CLSTN2: variants seen among roughly 807,000 people sequenced by gnomAD.
CLSTN2 encodes the protein calsyntenin 2, also known as calsyntenin-2.
In CLSTN2, 48 loss-of-function variants were observed where a neutral mutation model predicts 101.2. That is an observed-to-expected ratio of 0.47 (90% CI 0.38 to 0.60). The LOEUF (loss-of-function observed/expected upper bound fraction) is 0.60. Ranked by LOEUF, CLSTN2 falls within the 20% of genes least tolerant of loss-of-function variation. The pLI is 0.00. For synonymous variants in CLSTN2, 481 were observed against 463.6 expected (o/e 1.04, Z -0.48); for missense variants, 1,160 against 1,238.2 (o/e 0.94, Z 0.95).
At chr3:140,236,243 T>C (rs978139499) in intron 2 of CLSTN2, among the ~76,000 whole-genome samples, 1 of 152,212 alleles carries the variant, frequency 6.6e-6, no homozygotes, top group Non-Finnish European at 1.5e-5. Flanking sequence ...TTTTAAACCT[T>C]AACATAGCCC....
chr3:140,213,321 T>C (rs184943936), intron 2 of CLSTN2, among the ~76,000 whole-genome samples: 3 of 152,320 alleles, frequency 2.0e-5, no homozygotes, highest in East Asian at 3.9e-4. Context: ...AAATATGTGA[T>C]ATGATATGGA....
chr3:140,512,860 A>T (rs1299813843), intron 8 of CLSTN2, among the ~76,000 whole-genome samples: 1 of 151,974 alleles, frequency 6.6e-6, no homozygotes, highest in Non-Finnish European at 1.5e-5. Context: ...CAGGTATTTT[A>T]TTCTTATTGT....
At chr3:140,518,810 G>T (rs944441364) in intron 8 of CLSTN2, among the ~76,000 whole-genome samples, 1 of 152,152 alleles carries the variant, frequency 6.6e-6, no homozygotes, top group Non-Finnish European at 1.5e-5. Flanking sequence ...AGTGGGAGCT[G>T]CAAGTTAGTC....
At chr3:140,450,898 C>G (rs999473732) in intron 6 of CLSTN2, among the ~76,000 whole-genome samples, 1 of 152,156 alleles carries the variant, frequency 6.6e-6, no homozygotes, top group African/African-American at 2.4e-5. Context: ...GGGCTGCACA[C>G]CTCTCCAGAA....
chr3:140,373,504 G>A (rs1295601551), intron 2 of CLSTN2, among the ~76,000 whole-genome samples: 2 of 152,144 alleles, frequency 1.3e-5, no homozygotes, highest in African/African-American at 4.8e-5. Flanking sequence ...CTATTATATT[G>A]AGCAGGAAAA....
chr3:139,978,099 CAA>C (rs1339495369), intron 1 of CLSTN2, among the ~76,000 whole-genome samples: 1 of 152,028 alleles, frequency 6.6e-6, no homozygotes, highest in Non-Finnish European at 1.5e-5. Context: ...GAGAGAGAAA[CAA>C]AAGAGACATT....
At chr3:140,147,597 G>T (rs2009799208) in intron 1 of CLSTN2, among the ~76,000 whole-genome samples, 1 of 152,146 alleles carries the variant, frequency 6.6e-6, no homozygotes, top group African/African-American at 2.4e-5. Flanking sequence ...GATTTTCATT[G>T]AACAATGAAT....
intron 1 of CLSTN2, among the ~76,000 whole-genome samples, chr3:139,966,289 T>A (rs1232997933): frequency 6.6e-6 from 1 of 152,220 alleles, no homozygotes; most frequent in Non-Finnish European, 1.5e-5. Flanking sequence ...GTCTCATTAT[T>A]TCCTGTCAGT....
chr3:139,957,589 A>G (rs1935430754), intron 1 of CLSTN2, among the ~76,000 whole-genome samples: 1 of 152,002 alleles, frequency 6.6e-6, no homozygotes, highest in African/African-American at 2.4e-5. Flanking sequence ...GCATCCCAGC[A>G]TCTGGTAACT....
chr3:140,385,096 G>A (rs1288419516), intron 2 of CLSTN2, among the ~76,000 whole-genome samples: 1 of 152,184 alleles, frequency 6.6e-6, no homozygotes, highest in East Asian at 1.9e-4. Flanking sequence ...AAAACCCTGA[G>A]CAGCAGGGTT....
chr3:140,069,092 A>G (rs2008349236), intron 1 of CLSTN2, among the ~76,000 whole-genome samples: 1 of 152,220 alleles, frequency 6.6e-6, no homozygotes, highest in African/African-American at 2.4e-5. Flanking sequence ...TGTCAGTGAG[A>G]GAGTCTTCCT....
chr3:140,544,649 T>G (rs929854478), intron 9 of CLSTN2, among the ~76,000 whole-genome samples: 3 of 152,056 alleles, frequency 2.0e-5, no homozygotes, highest in Non-Finnish European at 4.4e-5. Context: ...ATGCAAACCA[T>G]TAGCTAATAA....
intron 5 of CLSTN2, among the ~76,000 whole-genome samples, chr3:140,426,196 G>A (rs769929255): frequency 2.6e-5 from 4 of 152,114 alleles, no homozygotes; most frequent in Non-Finnish European, 4.4e-5. Flanking sequence ...AATGTGTGCC[G>A]TGGTGGTTTG....
rs900731205 is a variant in CLSTN2 at position 140,571,631 on chromosome 3, T to C, written c.*5378T>C. 3.3e-5 allele frequency: 5 copies of C among 152,248 alleles called. No homozygotes were observed. The highest frequency in any genetic ancestry group is 9.6e-5 in the African/African-American group (4 of 41,462). 9.4% of individuals were successfully genotyped at this position (152,248 alleles called of 1,614,324 possible). A position where few individuals can be genotyped will look rare whatever the true frequency, so the allele number is the denominator to read the frequency against. On this transcript the variant is annotated 3_prime_UTR_variant, in exon 17 of 17. Transcript: ENST00000458420. ...TTAATTTTCACATAACCACTTTCCATTGTCCAGCTGCAGGCAAAAGAAATG... is the reference window on the plus strand; with the variant it reads ...TTAATTTTCACATAACCACTTTCCACTGTCCAGCTGCAGGCAAAAGAAATG...
At position 140,570,204 on chromosome 3, in the gene CLSTN2, T is replaced by TC. The variant is rs1486342638; in HGVS notation, c.*3952dup. 2.0e-5 allele frequency: 3 copies of TC among 152,184 alleles called. No homozygotes were observed. Among genetic ancestry groups the TC allele is most frequent in the Non-Finnish European group, 4.4e-5 (3 of 68,032 alleles). The allele number at this position is 152,184 out of a possible 1,614,324, so 9.4% of individuals were successfully genotyped here. On this transcript the variant is annotated 3_prime_UTR_variant, in exon 17 of 17. Coordinates refer to ENST00000458420, the MANE Select transcript of CLSTN2 (RefSeq NM_022131.3). Reference sequence around the variant, plus strand: ...GGCTTTGTGAGCCATTTGGTACCTGTCACAGAATAGTCAGCCCTCCATATC... The same window carrying TC: ...GGCTTTGTGAGCCATTTGGTACCTGTCCACAGAATAGTCAGCCCTCCATATC...
chr3:140,315,836 C>T (rs112066180), intron 2 of CLSTN2, among the ~76,000 whole-genome samples: 36 of 152,144 alleles, frequency 2.4e-4, no homozygotes, highest in Non-Finnish European at 2.2e-4. Context: ...CAGGAGCTAT[C>T]GGCTTAGCAT....
intron 7 of CLSTN2, among the ~76,000 whole-genome samples, chr3:140,460,792 A>G (rs1211832485): frequency 6.6e-6 from 1 of 152,216 alleles, no homozygotes; most frequent in Non-Finnish European, 1.5e-5. Flanking sequence ...CATTTCAAAT[A>G]CAACTTTTGC....
intron 2 of CLSTN2, among the ~76,000 whole-genome samples, chr3:140,332,830 C>T (rs532755410): frequency 6.6e-6 from 1 of 152,206 alleles, no homozygotes; most frequent in Admixed American, 6.5e-5. Context: ...TGGAGGACCT[C>T]ATCCCCTGTT....
intron 1 of CLSTN2, among the ~76,000 whole-genome samples, chr3:140,010,218 C>G (rs2007044383): frequency 1.3e-5 from 2 of 152,118 alleles, no homozygotes; most frequent in Non-Finnish European, 2.9e-5. Flanking sequence ...CTTTTATTTT[C>G]ATTTCTATCT....
Sources: allele counts gnomAD v4.1 joint callset (sites outside exome capture counted in the v4.1 genomes callset), GRCh38; gene constraint gnomAD v4.1.1; transcripts MANE v1.5; gene names NCBI Gene and HGNC (gene_info 2026-07-23, HGNC 2026-07-21).